The following MDGA2 variants were observed in gnomAD, a reference collection of about 807,000 sequenced individuals.
MDGA2 encodes MAM domain containing glycosylphosphatidylinositol anchor 2.
Under a neutral mutation model 117.8 loss-of-function variants are expected in MDGA2, and 40 were observed. The ratio of observed to expected loss-of-function variants is 0.34; its 90% confidence interval spans 0.26 to 0.44. The LOEUF (loss-of-function observed/expected upper bound fraction) is 0.44. Ranked by LOEUF, MDGA2 falls within the 20% of genes least tolerant of loss-of-function variation. MDGA2 has a pLI of 1.00. For synonymous variants in MDGA2, 452 were observed against 439.0 expected (o/e 1.03, Z -0.37); for missense variants, 1,123 against 1,250.6 (o/e 0.90, Z 1.54).
intron 5 of MDGA2, among the ~76,000 whole-genome samples, chr14:47,102,319 G>A (rs569429315): frequency 1.3e-4 from 19 of 150,410 alleles, no homozygotes; most frequent in African/African-American, 4.7e-4. Context: ...AATAATCTGA[G>A]TATTATAAAG....
chr14:47,613,477 TCTCACA>T (rs890375405), intron 1 of MDGA2, among the ~76,000 whole-genome samples: 9 of 138,250 alleles, frequency 6.5e-5, no homozygotes, highest in East Asian at 2.3e-4. Flanking sequence ...TCTCTCTCTC[TCTCACA>T]CACACACACA....
chr14:47,071,935 C>T (rs1327634518), intron 6 of MDGA2, among the ~76,000 whole-genome samples: 1 of 152,060 alleles, frequency 6.6e-6, no homozygotes, highest in African/African-American at 2.4e-5. Context: ...GAGCTAACTA[C>T]TGTAACTTTA....
chr14:47,439,625 G>C (rs1892962117), intron 1 of MDGA2, among the ~76,000 whole-genome samples: 1 of 151,940 alleles, frequency 6.6e-6, no homozygotes, highest in Non-Finnish European at 1.5e-5. Context: ...GATTTCATGT[G>C]GTTTAAAAAG....
intron 1 of MDGA2, among the ~76,000 whole-genome samples, chr14:47,334,513 G>T (rs995186400): frequency 3.3e-5 from 5 of 151,882 alleles, no homozygotes; most frequent in South Asian, 2.1e-4. Context: ...CCACAGGATT[G>T]TTCAGACCAT....
chr14:46,874,099 T>C lies in MDGA2; in HGVS notation c.2539A>G (p.Thr847Ala). ...WTKQSTATRN[T>A]KYTPNTGPNA... ...GGTCCTGTATTAGGAGTATATTTTGTATTTCTTGTTGCTGTACTTTGCTTT... is the reference window on the plus strand; with the variant it reads ...GGTCCTGTATTAGGAGTATATTTTGCATTTCTTGTTGCTGTACTTTGCTTT... Residue 847 changes from threonine (T) to alanine (A), a missense_variant, in exon 13 of 17, where the codon ACA (threonine) becomes GCA (alanine). Around this residue, in one of 2 missense-constraint regions of MDGA2, gnomAD observed 890 missense variants for 1,050.3 expected, o/e 0.85. Coordinates refer to ENST00000399232, the MANE Select transcript of MDGA2 (RefSeq NM_001113498.3). The C allele has an allele frequency of 1.3e-6, 2 of 1,560,914 alleles. No individual in the cohort carries two copies. Among genetic ancestry groups the C allele is most frequent in the Non-Finnish European group, 1.7e-6 (2 of 1,155,414 alleles).
At chr14:46,851,416 C>T (rs1881051747) in intron 15 of MDGA2, among the ~76,000 whole-genome samples, 1 of 151,830 alleles carries the variant, frequency 6.6e-6, no homozygotes, top group Non-Finnish European at 1.5e-5. Context: ...GTAGCAAAAT[C>T]TGTTTTCATC....
chr14:47,386,604 CAT>C (rs1173062931), intron 1 of MDGA2, among the ~76,000 whole-genome samples: 1 of 152,116 alleles, frequency 6.6e-6, no homozygotes, highest in Non-Finnish European at 1.5e-5. Context: ...AGAGTGAAAA[CAT>C]ATGAAGAGCA....
chr14:47,623,379 C>A (rs1897084288), intron 1 of MDGA2, among the ~76,000 whole-genome samples: 2 of 152,120 alleles, frequency 1.3e-5, no homozygotes, highest in South Asian at 2.1e-4. Flanking sequence ...TTTCTACTGA[C>A]AAGAAACTAT....
intron 9 of MDGA2, among the ~76,000 whole-genome samples, chr14:46,953,092 T>C (rs1253617194): frequency 6.6e-6 from 1 of 151,894 alleles, no homozygotes; most frequent in African/African-American, 2.4e-5. Flanking sequence ...CAAGATACTA[T>C]GCAAATGTAA....
chr14:47,034,283 T>C (rs1459077056), intron 8 of MDGA2, among the ~76,000 whole-genome samples: 1 of 152,138 alleles, frequency 6.6e-6, no homozygotes, highest in Non-Finnish European at 1.5e-5. Context: ...AATGATAAAA[T>C]CAAATGTAAA....
chr14:47,400,850 G>T (rs113058612), intron 1 of MDGA2, among the ~76,000 whole-genome samples: 1 of 4 alleles, frequency 0.25, no homozygotes, highest in African/African-American at 0.5. Context: ...TCCGCCTCCC[G>T]GGGTTCACGC....
rs112581120 is a variant in MDGA2 at position 47,155,293 on chromosome 14, T to A, written c.596-11019A>T. Among the ~76,000 whole-genome samples the A allele has an allele frequency of 3.9e-5, 6 of 152,066 alleles. 1 individual carries two copies. The highest frequency in any genetic ancestry group is 1.2e-4 in the African/African-American group (5 of 41,500). ...ACTCGGGACCTTCTGAATGGCAGGATTGAAAGAGCTATAACACAAACAGGA... is the reference window on the plus strand; with the variant it reads ...ACTCGGGACCTTCTGAATGGCAGGAATGAAAGAGCTATAACACAAACAGGA... On this transcript the variant is annotated intron_variant, in intron 3 of 16. Coordinates refer to ENST00000399232, the MANE Select transcript of MDGA2 (RefSeq NM_001113498.3).
intron 1 of MDGA2, among the ~76,000 whole-genome samples, chr14:47,606,197 G>A (rs752577590): frequency 7.9e-5 from 12 of 152,042 alleles, no homozygotes; most frequent in East Asian, 1.9e-4. Flanking sequence ...TATGTCCTTA[G>A]TATCTAGAAC....
rs1889886294 is a variant in MDGA2, at chr14:47,318,787, G to A, written c.281-17237C>T. 4.6e-5 allele frequency among the ~76,000 whole-genome samples: 7 copies of A among 151,372 alleles called. No individual in the cohort carries two copies. In the South Asian group the frequency reaches 1.5e-3, roughly 32 times the overall value. ...AAAGGAGGGAGGAAGGGAGAAAGGA[G>A]GGGAGGGGGGAAAGGGAGGAAAGAA... On this transcript the variant is annotated intron_variant, in intron 1 of 16. Transcript: ENST00000399232.
chr14:46,859,748 C>T lies in MDGA2; in HGVS notation c.2753-4594G>A, dbSNP rs140297306. Among the ~76,000 whole-genome samples, 419 of 152,032 alleles carry T rather than the reference C, an allele frequency of 2.8e-3. 4 individuals are homozygous for T. The highest frequency in any genetic ancestry group is 9.6e-3 in the African/African-American group (398 of 41,464). ...TCTGATATCATTTACTACTCCTTGGCCTTTAGATGATCTCATTTTGATTAC... is the reference window on the plus strand; with the variant it reads ...TCTGATATCATTTACTACTCCTTGGTCTTTAGATGATCTCATTTTGATTAC... On this transcript the variant is annotated intron_variant, in intron 14 of 16. Transcript: ENST00000399232.
intron 11 of MDGA2, 53 bp downstream of exon 11, chr14:46,881,991 T>G: frequency 7.7e-7 from 1 of 1,297,866 alleles, no homozygotes; most frequent in Non-Finnish European, 1.0e-6. Flanking sequence ...CAACCAAAAT[T>G]TTCCATATAG....
chr14:47,645,890 A>G (rs1049369667), intron 1 of MDGA2, among the ~76,000 whole-genome samples: 5 of 151,590 alleles, frequency 3.3e-5, no homozygotes, highest in Non-Finnish European at 5.9e-5. Context: ...GGCTAACACG[A>G]TGAAACCCAG....
intron 1 of MDGA2, among the ~76,000 whole-genome samples, chr14:47,376,121 A>G (rs2138404707): frequency 6.6e-6 from 1 of 152,240 alleles, no homozygotes; most frequent in Non-Finnish European, 1.5e-5. Flanking sequence ...AATTTATTTC[A>G]ATGTCTCTGT....
At chr14:47,015,973 T>C (rs1355149719) in intron 8 of MDGA2, among the ~76,000 whole-genome samples, 1 of 152,062 alleles carries the variant, frequency 6.6e-6, no homozygotes, top group Non-Finnish European at 1.5e-5. Flanking sequence ...AGACTAACCA[T>C]TAAGGTGGCA....
Sources: gnomAD v4.1 joint callset for allele counts (sites outside exome capture counted in the v4.1 genomes callset) on GRCh38, gnomAD v4.1.1 for gene constraint, gnomAD v4.1.1 regional missense constraint, MANE v1.5 for transcripts, NCBI Gene and HGNC (gene_info 2026-07-23, HGNC 2026-07-21) for gene names.